Variants in ANK3 observed in about 807,000 individuals in gnomAD.
The protein encoded by ANK3 is ankyrin 3, also known as ankyrin-3.
ANK3 carries 57 observed loss-of-function variants against 370.9 expected under a neutral mutation model. The observed-to-expected ratio is 0.15, with a 90% CI of 0.12 to 0.19. The LOEUF is 0.19. Among genes scored for constraint, ANK3 ranks in the 10% least tolerant of loss-of-function variants. The pLI is 1.00. For synonymous variants in ANK3, 1,929 were observed against 1,946.3 expected, an observed-to-expected ratio of 0.99 and a Z score of 0.23; for missense variants, 4,439 against 5,302.1, an observed-to-expected ratio of 0.84 and a Z score of 5.06.
intron 1 of ANK3, among the ~76,000 whole-genome samples, chr10:60,326,792 C>A (rs998795585): frequency 1.3e-5 from 2 of 152,106 alleles, no homozygotes; most frequent in African/African-American, 2.4e-5. Context: ...GAGGCCGAGG[C>A]GGGCGGATCA....
chr10:60,718,813 C>T (rs549358377), intron 1 of ANK3, among the ~76,000 whole-genome samples: 7 of 152,136 alleles, frequency 4.6e-5, no homozygotes, highest in Non-Finnish European at 8.8e-5. Flanking sequence ...AAGAAGCACT[C>T]GTAAGACCAA....
chr10:60,258,910 C>T (rs1467809037), intron 7 of ANK3, among the ~76,000 whole-genome samples: 1 of 152,220 alleles, frequency 6.6e-6, no homozygotes, highest in East Asian at 1.9e-4. Context: ...ATCAATACCT[C>T]TCTCCAAACC....
intron 25 of ANK3, among the ~76,000 whole-genome samples, chr10:60,124,548 T>C (rs1307572839): frequency 6.6e-6 from 1 of 152,218 alleles, no homozygotes; most frequent in Admixed American, 6.5e-5. Flanking sequence ...TCTATGTAGA[T>C]ATTTAGGATA....
chr10:60,727,975 T>G (rs1332529006), intron 1 of ANK3, among the ~76,000 whole-genome samples: 1 of 151,824 alleles, frequency 6.6e-6, no homozygotes, highest in Non-Finnish European at 1.5e-5. Flanking sequence ...AAAAATGAAA[T>G]CTGTGCATCT....
intron 1 of ANK3, among the ~76,000 whole-genome samples, chr10:60,698,231 T>C (rs1008733300): frequency 1.7e-4 from 25 of 150,598 alleles, no homozygotes; most frequent in Admixed American, 6.6e-4. Flanking sequence ...AGAATGGCAA[T>C]CATTAAAAAG....
chr10:60,479,761 T>G (rs2075163895), intron 2 of ANK3, among the ~76,000 whole-genome samples: 1 of 151,934 alleles, frequency 6.6e-6, no homozygotes, highest in Non-Finnish European at 1.5e-5. Context: ...GAAATCATCC[T>G]TCAAGGTTCA....
intron 2 of ANK3, among the ~76,000 whole-genome samples, chr10:60,593,569 G>A (rs2077946344): frequency 6.6e-6 from 1 of 151,952 alleles, no homozygotes; most frequent in African/African-American, 2.4e-5. Context: ...TGACCTTTGA[G>A]GTTTCTATTG....
chr10:60,536,654 A>T (rs972086083), intron 2 of ANK3, among the ~76,000 whole-genome samples: 1 of 152,008 alleles, frequency 6.6e-6, no homozygotes, highest in Non-Finnish European at 1.5e-5. Flanking sequence ...TGAATCACAT[A>T]AACAAAAAAA....
upstream of ANK3, among the ~76,000 whole-genome samples, chr10:60,394,366 G>A (rs1310123236): frequency 6.6e-6 from 1 of 152,076 alleles, no homozygotes; most frequent in Admixed American, 6.6e-5. Flanking sequence ...ATAGCATTGA[G>A]GGACTGGTAG....
At chr10:60,313,928 G>GTTTTTTTT (rs760802914) in intron 1 of ANK3, among the ~76,000 whole-genome samples, 8 of 132,122 alleles carry the variant, frequency 6.1e-5, no homozygotes, top group Non-Finnish European at 8.2e-5. Flanking sequence ...TTTTGTTTTT[G>GTTTTTTTT]TTTTTTTTTT....
intron 1 of ANK3, among the ~76,000 whole-genome samples, chr10:60,299,101 T>C (rs1005122395): frequency 5.9e-5 from 9 of 152,198 alleles, no homozygotes; most frequent in African/African-American, 1.7e-4. Context: ...CACAATCTTA[T>C]AGCTTTATTA....
At chr10:60,388,984 C>T (rs531298936) in intron 1 of ANK3, among the ~76,000 whole-genome samples, 7 of 152,264 alleles carry the variant, frequency 4.6e-5, no homozygotes, top group African/African-American at 1.7e-4. Context: ...GGGAAACGCA[C>T]GCATGTGACA....
intron 1 of ANK3, among the ~76,000 whole-genome samples, chr10:60,718,068 A>G (rs1015365018): frequency 1.3e-5 from 2 of 152,246 alleles, no homozygotes; most frequent in African/African-American, 2.4e-5. Flanking sequence ...CTGATCAACT[A>G]TCAGCCTGTG....
Position 60,172,902 on chromosome 10 carries a change from C to G in ANK3, c.2380G>C (p.Val794Leu), listed in dbSNP as rs1298459588. Reference sequence around the variant, plus strand: ...CTGAGCTGGCCCTGAGCGCTTACCACAGTGAGTTCATTGGGGGAGGCGTTG... The same window carrying G: ...CTGAGCTGGCCCTGAGCGCTTACCAGAGTGAGTTCATTGGGGGAGGCGTTG... ...QNNASPNELT[V>L]NGNTALGIAR... Residue 794 changes from valine to leucine, a missense_variant and splice_region_variant, in exon 20 of 44, where the codon GTG becomes CTG. Physicochemically the swap from Val to Leu is conservative, Grantham distance 32. Coordinates refer to ENST00000280772, the MANE Select transcript of ANK3 (RefSeq NM_020987.5). 3 of 1,611,864 alleles carry G rather than the reference C, an allele frequency of 1.9e-6. No individual in the cohort carries two copies. In the African/African-American group the frequency reaches 4.0e-5, roughly 22 times the overall value.
intron 1 of ANK3, among the ~76,000 whole-genome samples, chr10:60,668,821 A>G (rs761015480): frequency 6.6e-6 from 1 of 152,110 alleles, no homozygotes; most frequent in Non-Finnish European, 1.5e-5. Flanking sequence ...GTGAAACCTC[A>G]TCTCTACTAA....
chr10:60,419,667 TCTC>T (rs964865507), intron 2 of ANK3, among the ~76,000 whole-genome samples: 6 of 152,132 alleles, frequency 3.9e-5, no homozygotes, highest in African/African-American at 1.4e-4. Context: ...CAGAGTCCCT[TCTC>T]CTGCCTACCT....
Position 60,162,445 on chromosome 10 carries a change from C to T in ANK3, c.2614+4146G>A, listed in dbSNP as rs181148937. On this transcript the variant is annotated intron_variant, in intron 23 of 43. Coordinates refer to ENST00000280772, the MANE Select transcript of ANK3 (RefSeq NM_020987.5). The stretch of plus-strand genomic sequence containing the variant: ...TCATCAGTGTAATGGCAGGAATAGA[C>T]TTACAAGACTCCAACTTGCCCATTC... Among the ~76,000 whole-genome samples, 82 of 152,246 alleles carry T rather than the reference C, an allele frequency of 5.4e-4. 1 individual carries two copies. The East Asian group carries it at 0.014, about 26-fold the overall frequency.
chr10:60,100,234 G>GTTTTTTTTTTTTTTTGTTTT (rs2090972445), intron 28 of ANK3, among the ~76,000 whole-genome samples: 1 of 57,898 alleles, frequency 1.7e-5, no homozygotes, highest in African/African-American at 8.5e-5. Flanking sequence ...TTTTGCTATG[G>GTTTTTTTTTTTTTTTGTTTT]TTTTTTTTTT....
chr10:60,563,942 A>T (rs1393622464), intron 2 of ANK3, among the ~76,000 whole-genome samples: 1 of 152,212 alleles, frequency 6.6e-6, no homozygotes, highest in East Asian at 1.9e-4. Flanking sequence ...GTAATATCCC[A>T]GGTTCATCCA....
Sources: gnomAD v4.1 joint callset for allele counts (sites outside exome capture counted in the v4.1 genomes callset) on GRCh38, gnomAD v4.1.1 for gene constraint, MANE v1.5 for transcripts, NCBI Gene and HGNC (gene_info 2026-07-23, HGNC 2026-07-21) for gene names.